NCK2: variants seen among roughly 807,000 people sequenced by gnomAD.
NCK2 encodes the protein NCK adaptor protein 2, also known as cytoplasmic protein NCK2.
In NCK2, 16 loss-of-function variants were observed where a neutral mutation model predicts 33.9. The ratio of observed to expected loss-of-function variants is 0.47; its 90% confidence interval spans 0.32 to 0.72. NCK2 has a LOEUF of 0.72. Ranked by LOEUF, NCK2 falls within the 30% of genes least tolerant of loss-of-function variation. The pLI, the probability that NCK2 is intolerant of heterozygous loss-of-function variation, is 0.03. For synonymous variants in NCK2, 273 were observed against 239.9 expected, an observed-to-expected ratio of 1.14 and a Z score of -1.27; for missense variants, 418 against 537.3, an observed-to-expected ratio of 0.78 and a Z score of 2.19.
chr2:105,766,432 TC>T (rs1198398638), intron 1 of NCK2, among the ~76,000 whole-genome samples: 1 of 152,176 alleles, frequency 6.6e-6, no homozygotes, highest in Non-Finnish European at 1.5e-5. Flanking sequence ...CAAGCAATCC[TC>T]CCACCTCAGT....
intron 1 of NCK2, among the ~76,000 whole-genome samples, chr2:105,770,302 C>T (rs1002484862): frequency 6.6e-6 from 1 of 152,130 alleles, no homozygotes; most frequent in Non-Finnish European, 1.5e-5. Flanking sequence ...ATTGAAATTT[C>T]TGTTACAGTG....
At chr2:105,822,974 G>A (rs1448507455) in intron 2 of NCK2, among the ~76,000 whole-genome samples, 3 of 152,092 alleles carry the variant, frequency 2.0e-5, no homozygotes, top group African/African-American at 7.3e-5. Context: ...GCCCTGGGCC[G>A]GCCGTGTGGC....
intron 1 of NCK2, among the ~76,000 whole-genome samples, chr2:105,815,982 T>A (rs1675465829): frequency 6.6e-6 from 1 of 152,078 alleles, no homozygotes; most frequent in South Asian, 2.1e-4. Context: ...CCCCATCACC[T>A]CCTTCCACCT....
chr2:105,843,329 C>T (rs2104555338), intron 2 of NCK2, among the ~76,000 whole-genome samples: 1 of 149,964 alleles, frequency 6.7e-6, no homozygotes, highest in East Asian at 2.0e-4. Flanking sequence ...GGATTCGGAG[C>T]ATTTTGGATT....
chr2:105,751,023 G>T (rs1486408456), intron 1 of NCK2, among the ~76,000 whole-genome samples: 2 of 152,190 alleles, frequency 1.3e-5, no homozygotes, highest in African/African-American at 4.8e-5. Context: ...ATTTTGCCTT[G>T]TTCAGACATA....
chr2:105,833,666 ATTTTT>A (rs142774715), intron 2 of NCK2, among the ~76,000 whole-genome samples: 4 of 151,472 alleles, frequency 2.6e-5, no homozygotes, highest in Non-Finnish European at 4.4e-5. Context: ...GATTTTTTGC[ATTTTT>A]TTGGCCTCTT....
chr2:105,854,776 T>C (rs1375055683), intron 2 of NCK2: 7 of 317,334 alleles, frequency 2.2e-5, no homozygotes, highest in Non-Finnish European at 4.2e-5. Context: ...TTATTTAGAA[T>C]TTTTTTCAAG....
chr2:105,748,516 C>G (rs1245817496), intron 1 of NCK2, among the ~76,000 whole-genome samples: 1 of 152,178 alleles, frequency 6.6e-6, no homozygotes, highest in African/African-American at 2.4e-5. Context: ...AATCTTCCCA[C>G]CTCAGCCTCC....
chr2:105,756,200 T>C (rs1341831905), intron 1 of NCK2, among the ~76,000 whole-genome samples: 1 of 152,250 alleles, frequency 6.6e-6, no homozygotes, highest in Non-Finnish European at 1.5e-5. Context: ...GTTTAAATTA[T>C]TTCCTGTTCC....
chr2:105,751,392 T>C (rs1689450978), intron 1 of NCK2, among the ~76,000 whole-genome samples: 1 of 152,178 alleles, frequency 6.6e-6, no homozygotes, highest in Admixed American at 6.5e-5. Context: ...CCAGGGTGAC[T>C]GCACCCTGAC....
intron 1 of NCK2, among the ~76,000 whole-genome samples, chr2:105,813,898 A>T (rs1675382859): frequency 6.6e-6 from 1 of 152,148 alleles, no homozygotes; most frequent in Non-Finnish European, 1.5e-5. Flanking sequence ...TCCCTCCTTT[A>T]TTTCTAAAGG....
intron 4 of NCK2, among the ~76,000 whole-genome samples, chr2:105,883,782 A>G (rs781199784): frequency 2.0e-5 from 3 of 152,240 alleles, no homozygotes; most frequent in Admixed American, 6.5e-5. Context: ...CTAAAGAACT[A>G]AAGCACGAAT....
chr2:105,796,241 G>A (rs1280403512), intron 1 of NCK2, among the ~76,000 whole-genome samples: 1 of 152,222 alleles, frequency 6.6e-6, no homozygotes, highest in Non-Finnish European at 1.5e-5. Context: ...GCGTGTGTAA[G>A]TATATATGGC....
At chr2:105,836,298 A>G (rs1305832148) in intron 2 of NCK2, among the ~76,000 whole-genome samples, 2 of 151,850 alleles carry the variant, frequency 1.3e-5, no homozygotes, top group Non-Finnish European at 2.9e-5. Flanking sequence ...GATGTATGCT[A>G]TAGTATCATT....
chr2:105,801,314 C>T (rs1015731645), intron 1 of NCK2, among the ~76,000 whole-genome samples: 10 of 152,138 alleles, frequency 6.6e-5, no homozygotes, highest in Non-Finnish European at 2.9e-5. Flanking sequence ...GTAGGGATCC[C>T]CCAGCCCCAG....
At chr2:105,852,047 C>G (rs952041080) in intron 2 of NCK2, 3 of 151,756 alleles carry the variant, frequency 2.0e-5, no homozygotes, top group African/African-American at 7.3e-5. Context: ...GTCCTAGAAT[C>G]TTAGAATTCT....
intron 2 of NCK2, among the ~76,000 whole-genome samples, chr2:105,833,599 A>G (rs1257897630): frequency 2.0e-5 from 3 of 152,064 alleles, no homozygotes; most frequent in Non-Finnish European, 2.9e-5. Context: ...TCTGTTTTTC[A>G]TAGTCTAGAT....
chr2:105,800,283 C>T (rs759388431), intron 1 of NCK2, among the ~76,000 whole-genome samples: 7 of 152,198 alleles, frequency 4.6e-5, no homozygotes, highest in African/African-American at 9.7e-5. Flanking sequence ...TCCCTGTGCA[C>T]GCCACCTAAT....
chr2:105,838,106 T>A (rs1018870766), intron 2 of NCK2, among the ~76,000 whole-genome samples: 1 of 152,106 alleles, frequency 6.6e-6, no homozygotes, highest in Non-Finnish European at 1.5e-5. Context: ...ACAGTCCTTT[T>A]TTTTTTTGTA....
Sources: gnomAD v4.1 joint callset for allele counts (sites outside exome capture counted in the v4.1 genomes callset) on GRCh38, gnomAD v4.1.1 for gene constraint, MANE v1.5 for transcripts, NCBI Gene and HGNC (gene_info 2026-07-23, HGNC 2026-07-21) for gene names.